Variants in COL5A2 observed in about 807,000 individuals in gnomAD.
COL5A2 encodes collagen alpha-2(V) chain.
Under a neutral mutation model 208.2 loss-of-function variants are expected in COL5A2, and 23 were observed. The observed-to-expected ratio is 0.11, with a 90% CI of 0.08 to 0.16. COL5A2 has a LOEUF of 0.16. Among genes scored for constraint, COL5A2 ranks in the 10% least tolerant of loss-of-function variants. The pLI, the probability that COL5A2 is intolerant of heterozygous loss-of-function variation, is 1.00. For synonymous variants in COL5A2, 625 were observed against 628.5 expected (o/e 0.99, Z 0.08); for missense variants, 1,590 against 1,956.4 (o/e 0.81, Z 3.53).
chr2:189,041,290 T>TAG (rs1685555461), intron 50 of COL5A2, among the ~76,000 whole-genome samples: 1 of 152,218 alleles, frequency 6.6e-6, no homozygotes, highest in Non-Finnish European at 1.5e-5. Context: ...ATATTGCCCT[T>TAG]GAGAGCAAAT....
At chr2:189,283,601 A>G in the COL5A2 span, among the ~76,000 whole-genome samples, 121 of 152,210 alleles carry the variant, frequency 7.9e-4, no homozygotes, top group African/African-American at 2.9e-3. Context: ...GGTATCTCAG[A>G]TGAGATCTTG....
At chr2:189,431,257 A>C in the COL5A2 span, among the ~76,000 whole-genome samples, 1 of 152,216 alleles carries the variant, frequency 6.6e-6, no homozygotes, top group African/African-American at 2.4e-5. Context: ...TGAAAAACTG[A>C]AAATTCTAAA....
intron 12 of COL5A2, 150 bp from the exon 13 acceptor site, chr2:189,081,193 T>C: frequency 1.5e-6 from 1 of 665,398 alleles, no homozygotes; most frequent in East Asian, 2.8e-5. Context: ...CTTTTATCTG[T>C]CAAAATATAT....
the COL5A2 span, among the ~76,000 whole-genome samples, chr2:189,425,218 T>A: frequency 6.6e-6 from 1 of 152,140 alleles, no homozygotes; most frequent in South Asian, 2.1e-4. Context: ...GGCAAAGATG[T>A]GAAGAAAAGG....
chr2:189,049,208 G>C, intron 44 of COL5A2, 139 bp downstream of exon 44: 1 of 699,800 alleles, frequency 1.4e-6, no homozygotes, highest in Non-Finnish European at 2.6e-6. Flanking sequence ...TAGGGAAGTA[G>C]AGTACATCAA....
the COL5A2 span, among the ~76,000 whole-genome samples, chr2:189,437,500 C>T: frequency 6.6e-6 from 1 of 152,150 alleles, no homozygotes; most frequent in Admixed American, 6.5e-5. Context: ...CCACTGGGTA[C>T]AAGAGATCAT....
chr2:189,314,438 A>C, the COL5A2 span, among the ~76,000 whole-genome samples: 1 of 152,196 alleles, frequency 6.6e-6, no homozygotes, highest in Non-Finnish European at 1.5e-5. Context: ...CAGTTACAGC[A>C]GTTTTAAGAG....
chr2:189,199,787 C>T (rs1156993840), intron 1 of COL5A2, among the ~76,000 whole-genome samples: 1 of 152,120 alleles, frequency 6.6e-6, no homozygotes, highest in Non-Finnish European at 1.5e-5. Context: ...ACAATAAATG[C>T]CCAAAGGAAG....
chr2:189,083,035 C>A (rs552873122), intron 12 of COL5A2, among the ~76,000 whole-genome samples: 23 of 152,238 alleles, frequency 1.5e-4, no homozygotes, highest in African/African-American at 5.5e-4. Flanking sequence ...TAGCATTGAA[C>A]CTCATCAATT....
the COL5A2 span, among the ~76,000 whole-genome samples, chr2:189,325,437 G>C: frequency 6.6e-6 from 1 of 151,516 alleles, no homozygotes; most frequent in Non-Finnish European, 1.5e-5. Flanking sequence ...CCACAAAAAT[G>C]TTTGAAAAGC....
At chr2:189,376,269 T>C in the COL5A2 span, among the ~76,000 whole-genome samples, 2 of 152,218 alleles carry the variant, frequency 1.3e-5, no homozygotes, top group Non-Finnish European at 1.5e-5. Flanking sequence ...TGCCTCACTA[T>C]CAATAATGAA....
chr2:189,408,824 T>C, the COL5A2 span, among the ~76,000 whole-genome samples: 5 of 152,240 alleles, frequency 3.3e-5, no homozygotes, highest in South Asian at 1.0e-3. Flanking sequence ...TATTTGTGAG[T>C]CTGTCAAATT....
the COL5A2 span, among the ~76,000 whole-genome samples, chr2:189,385,131 C>A: frequency 6.6e-6 from 1 of 151,894 alleles, no homozygotes; most frequent in Non-Finnish European, 1.5e-5. Flanking sequence ...TTATATTGAA[C>A]TAACCTCACC....
chr2:189,413,306 CCAAA>C, the COL5A2 span, among the ~76,000 whole-genome samples: 1 of 152,056 alleles, frequency 6.6e-6, no homozygotes, highest in Non-Finnish European at 1.5e-5. Flanking sequence ...AACTTATTTC[CCAAA>C]CAGAGAATAC....
chr2:189,081,578 T>A (rs1398209285), intron 12 of COL5A2, among the ~76,000 whole-genome samples: 1 of 151,996 alleles, frequency 6.6e-6, no homozygotes, highest in Non-Finnish European at 1.5e-5. Flanking sequence ...AGTATTATAA[T>A]GTGGTCAGGA....
At chr2:189,088,001 GGATAGAAGGGGTGGTTATCTAT>G (rs555681823) in intron 8 of COL5A2, among the ~76,000 whole-genome samples, 122 of 152,272 alleles carry the variant, frequency 8.0e-4, no homozygotes, top group African/African-American at 2.6e-3. Flanking sequence ...CCTTAAGGAT[GGATAGAAGGGGTGGTTATCTAT>G]GAGGTCTGAT....
At chr2:189,097,577 A>G (rs1686947806) in intron 5 of COL5A2, 3 of 659,910 alleles carry the variant, frequency 4.5e-6, no homozygotes, top group Non-Finnish European at 8.3e-6. Context: ...CATGGAGCAT[A>G]GTGAGCTAAA....
chr2:189,035,775 GT>G (rs1685432991), intron 52 of COL5A2, among the ~76,000 whole-genome samples: 1 of 151,944 alleles, frequency 6.6e-6, no homozygotes, highest in Admixed American at 6.6e-5. Flanking sequence ...CACCCATAAT[GT>G]TCTCATAATG....
intron 1 of COL5A2, among the ~76,000 whole-genome samples, chr2:189,206,661 G>C (rs1323415514): frequency 1.3e-5 from 2 of 152,144 alleles, no homozygotes; most frequent in African/African-American, 4.8e-5. Context: ...AGACTTACCT[G>C]AAACAGTATC....
Sources: gnomAD v4.1 joint callset for allele counts (sites outside exome capture counted in the v4.1 genomes callset) on GRCh38, gnomAD v4.1.1 for gene constraint, MANE v1.5 for transcripts, NCBI Gene and HGNC (gene_info 2026-07-23, HGNC 2026-07-21) for gene names.